The following DLG2 variants were observed in gnomAD, a reference collection of about 807,000 sequenced individuals.
DLG2 encodes discs large MAGUK scaffold protein 2.
DLG2 carries 45 observed loss-of-function variants against 132.5 expected under a neutral mutation model. That is an observed-to-expected ratio of 0.34 (90% confidence interval 0.27 to 0.44). The LOEUF is 0.44. Among genes scored for constraint, DLG2 ranks in the 20% least tolerant of loss-of-function variants. DLG2 has a pLI of 1.00. For synonymous variants in DLG2, 424 were observed against 419.6 expected, an observed-to-expected ratio of 1.01 and a Z score of -0.13; for missense variants, 1,045 against 1,196.9, an observed-to-expected ratio of 0.87 and a Z score of 1.87.
At chr11:84,404,455 CAT>C (rs2098841543) in intron 7 of DLG2, among the ~76,000 whole-genome samples, 1 of 152,094 alleles carries the variant, frequency 6.6e-6, no homozygotes, top group African/African-American at 2.4e-5. Flanking sequence ...GTGCCACAGT[CAT>C]ATGTTTGTTT....
intron 7 of DLG2, among the ~76,000 whole-genome samples, chr11:84,263,598 C>T (rs570340336): frequency 1.3e-5 from 2 of 152,216 alleles, no homozygotes; most frequent in Admixed American, 1.3e-4. Context: ...AGAATTATTA[C>T]CAAGCTCTTT....
intron 10 of DLG2, among the ~76,000 whole-genome samples, chr11:84,089,864 T>C (rs926162005): frequency 3.9e-5 from 6 of 152,180 alleles, no homozygotes; most frequent in African/African-American, 1.2e-4. Flanking sequence ...TTTTGTGCTG[T>C]GGATGCCTTT....
intron 3 of DLG2, among the ~76,000 whole-genome samples, chr11:85,544,270 T>C (rs2153213176): frequency 6.6e-6 from 1 of 152,348 alleles, no homozygotes; most frequent in East Asian, 1.9e-4. Context: ...ATGCTTGCTT[T>C]TGTCAGCTTT....
At chr11:84,096,335 A>G (rs1389186570) in intron 10 of DLG2, among the ~76,000 whole-genome samples, 1 of 152,142 alleles carries the variant, frequency 6.6e-6, no homozygotes, top group African/African-American at 2.4e-5. Flanking sequence ...ATGTCAAGAA[A>G]TGTTAGCTTT....
chr11:84,431,606 G>A (rs748865051), intron 7 of DLG2, among the ~76,000 whole-genome samples: 3 of 151,748 alleles, frequency 2.0e-5, no homozygotes, highest in Non-Finnish European at 4.4e-5. Flanking sequence ...TATTTGTTGA[G>A]TCTGACTGGC....
chr11:84,785,992 T>C (rs1598108984), intron 6 of DLG2, among the ~76,000 whole-genome samples: 2 of 152,240 alleles, frequency 1.3e-5, no homozygotes, highest in East Asian at 3.9e-4. Context: ...TTACCTTTTA[T>C]TAGGAAATGG....
At chr11:83,973,673 C>T (rs971204988) in intron 12 of DLG2, among the ~76,000 whole-genome samples, 3 of 151,850 alleles carry the variant, frequency 2.0e-5, no homozygotes, top group South Asian at 4.1e-4. Context: ...GTTCTTAACC[C>T]GGCTGCACAT....
intron 19 of DLG2, among the ~76,000 whole-genome samples, chr11:83,611,200 TTA>T (rs1206944230): frequency 6.6e-6 from 1 of 152,032 alleles, no homozygotes; most frequent in East Asian, 1.9e-4. Context: ...GTTAAAAAAA[TTA>T]TGTGTATTAA....
intron 6 of DLG2, among the ~76,000 whole-genome samples, chr11:84,543,266 A>G (rs909314127): frequency 3.9e-5 from 6 of 152,130 alleles, no homozygotes; most frequent in Admixed American, 3.9e-4. Flanking sequence ...GGAGGTAGGT[A>G]GTTTCAGATA....
rs1441267177 is a variant in DLG2, at chr11:84,179,512, ACT to A, written c.574-16003_574-16002del. ...AATTGTTAGATGCTCAATGTGAAAA[ACT>A]CTGACAGTCATGAACTCCAGAGGGA... On this transcript the variant is annotated intron_variant, in intron 8 of 27. Coordinates refer to ENST00000376104, the MANE Select transcript of DLG2 (RefSeq NM_001142699.3). Among the ~76,000 whole-genome samples the A allele has an allele frequency of 4.6e-5, 7 of 151,932 alleles. No individual in the cohort carries two copies. In the East Asian group the frequency reaches 1.4e-3, roughly 29 times the overall value.
At chr11:83,535,205 G>A (rs2095852010) in intron 20 of DLG2, among the ~76,000 whole-genome samples, 1 of 152,152 alleles carries the variant, frequency 6.6e-6, no homozygotes, top group Non-Finnish European at 1.5e-5. Context: ...TGTTGTTACA[G>A]CCCTAACTTT....
intron 6 of DLG2, among the ~76,000 whole-genome samples, chr11:84,541,508 T>C (rs1331732427): frequency 6.6e-6 from 1 of 152,120 alleles, no homozygotes; most frequent in African/African-American, 2.4e-5. Context: ...ATCTCTTTTA[T>C]GCTCCCATAG....
intron 3 of DLG2, among the ~76,000 whole-genome samples, chr11:85,482,546 G>A (rs987018046): frequency 6.6e-6 from 1 of 152,140 alleles, no homozygotes; most frequent in Non-Finnish European, 1.5e-5. Context: ...CCAAGACCCA[G>A]GCTAGGCTTT....
chr11:84,944,912 T>C (rs2050006227), intron 6 of DLG2, among the ~76,000 whole-genome samples: 1 of 152,222 alleles, frequency 6.6e-6, no homozygotes, highest in Admixed American at 6.5e-5. Flanking sequence ...CTTGTTAAGT[T>C]TATCTGGTAG....
chr11:85,549,092 G>T (rs181674879), intron 3 of DLG2, among the ~76,000 whole-genome samples: 102 of 152,268 alleles, frequency 6.7e-4, no homozygotes, highest in African/African-American at 2.4e-3. Flanking sequence ...GCCCAGTTTT[G>T]TGCTGGAAAC....
chr11:85,432,626 C>T (rs1052410268), intron 3 of DLG2, among the ~76,000 whole-genome samples: 4 of 151,824 alleles, frequency 2.6e-5, no homozygotes, highest in African/African-American at 9.7e-5. Context: ...AGAGAAAAAA[C>T]AATGAAAATG....
At chr11:83,474,549 A>C (rs2092425025) in intron 22 of DLG2, among the ~76,000 whole-genome samples, 1 of 152,172 alleles carries the variant, frequency 6.6e-6, no homozygotes, top group Non-Finnish European at 1.5e-5. Context: ...TGGGATAACA[A>C]AAGCTTTAAA....
rs188540142 is a variant in DLG2, at chr11:84,536,937, C to T, written c.358-2206G>A. ...TGGCTAGCCTGTCTGTGGGGTTGCC[C>T]GTTTCCCATAAATTCTCTACACTGA... On this transcript the variant is annotated intron_variant, in intron 6 of 27. Transcript: ENST00000376104. Among the ~76,000 whole-genome samples, 7 of 152,228 alleles carry T rather than the reference C, an allele frequency of 4.6e-5. No individual in the cohort carries two copies. In the South Asian group the frequency reaches 1.2e-3, roughly 27 times the overall value.
At chr11:85,478,631 T>C (rs1011964674) in intron 3 of DLG2, among the ~76,000 whole-genome samples, 48 of 152,212 alleles carry the variant, frequency 3.2e-4, no homozygotes, top group African/African-American at 1.1e-3. Context: ...AGTTTGCTTA[T>C]TTGTAAAATA....
Sources: gnomAD v4.1 joint callset for allele counts (sites outside exome capture counted in the v4.1 genomes callset) on GRCh38, gnomAD v4.1.1 for gene constraint, MANE v1.5 for transcripts, NCBI Gene and HGNC (gene_info 2026-07-23, HGNC 2026-07-21) for gene names.